ADARB2: variants seen among roughly 807,000 people sequenced by gnomAD.
The protein encoded by ADARB2 is inactive double-stranded RNA-specific editase B2.
In ADARB2, 25 loss-of-function variants were observed where a neutral mutation model predicts 62.2. The observed-to-expected ratio is 0.40, with a 90% CI of 0.29 to 0.56. The LOEUF (loss-of-function observed/expected upper bound fraction) is 0.56. Among genes scored for constraint, ADARB2 ranks in the 20% least tolerant of loss-of-function variants. The pLI is 0.43. For synonymous variants in ADARB2, 572 were observed against 500.8 expected (o/e 1.14, Z -1.90); for missense variants, 1,071 against 1,077.4 (o/e 0.99, Z 0.08).
intron 3 of ADARB2, among the ~76,000 whole-genome samples, chr10:1,330,250 G>A (rs772668362): frequency 6.6e-6 from 1 of 152,044 alleles, no homozygotes; most frequent in Non-Finnish European, 1.5e-5. Flanking sequence ...AGCCTTTCCC[G>A]GCTTAGGCTG....
At chr10:1,553,412 G>A (rs1588299838) in intron 1 of ADARB2, among the ~76,000 whole-genome samples, 1 of 152,150 alleles carries the variant, frequency 6.6e-6, no homozygotes, top group Non-Finnish European at 1.5e-5. Context: ...TCAGCAGCGC[G>A]AGAGGCACCC....
chr10:1,679,343 G>A (rs1564365897), intron 1 of ADARB2, among the ~76,000 whole-genome samples: 1 of 152,084 alleles, frequency 6.6e-6, no homozygotes, highest in African/African-American at 2.4e-5. Flanking sequence ...CCTGTGCCGG[G>A]CACCACAATA....
chr10:1,196,464 A>T (rs1836913838), intron 8 of ADARB2, among the ~76,000 whole-genome samples: 1 of 152,068 alleles, frequency 6.6e-6, no homozygotes, highest in Non-Finnish European at 1.5e-5. Flanking sequence ...TCCTGGAGTT[A>T]ATGATACAAT....
At chr10:1,580,172 C>T (rs941360395) in intron 1 of ADARB2, among the ~76,000 whole-genome samples, 18 of 152,128 alleles carry the variant, frequency 1.2e-4, no homozygotes, top group Admixed American at 4.6e-4. Flanking sequence ...ACAGGTAAAT[C>T]GCGTGTTGCC....
At chr10:1,315,755 T>C (rs1033244178) in intron 3 of ADARB2, among the ~76,000 whole-genome samples, 9 of 152,218 alleles carry the variant, frequency 5.9e-5, no homozygotes, top group African/African-American at 1.9e-4. Flanking sequence ...ATTGCCTTCA[T>C]TTAAGCTTTT....
chr10:1,462,689 GTGTGTGTGCCTGTGTGTATGTGCATGAC>G (rs2131910160), intron 1 of ADARB2, among the ~76,000 whole-genome samples: 1 of 151,932 alleles, frequency 6.6e-6, no homozygotes, highest in Admixed American at 6.6e-5. Flanking sequence ...ATGTGTGCAT[GTGTGTGTGCCTGTGTGTATGTGCATGAC>G]TGTATGTGCA....
chr10:1,506,416 C>G lies in ADARB2; in HGVS notation c.101-127256G>C, dbSNP rs957823893. On this transcript the variant is annotated intron_variant, in intron 1 of 9. Transcript: ENST00000381312. ...AAGCCCACAGGCTGTTCAATTCCCC[C>G]ACTACGGTATTTGCATATTTGAGGC... Among the ~76,000 whole-genome samples the G allele has an allele frequency of 3.9e-5, 6 of 152,204 alleles. No homozygotes were observed. In the East Asian group the frequency reaches 7.7e-4, roughly 20 times the overall value.
chr10:1,457,516 GA>G (rs1333249855), intron 1 of ADARB2, among the ~76,000 whole-genome samples: 2 of 152,150 alleles, frequency 1.3e-5, no homozygotes, highest in Non-Finnish European at 2.9e-5. Flanking sequence ...TATGACTCGG[GA>G]AATAAAATGG....
chr10:1,249,407 T>C (rs1207079975), intron 4 of ADARB2, among the ~76,000 whole-genome samples: 2 of 139,830 alleles, frequency 1.4e-5, no homozygotes, highest in Non-Finnish European at 3.0e-5. Flanking sequence ...GCGCCACTGC[T>C]CTCCAGCCTG....
At position 1,587,742 on chromosome 10, in the gene ADARB2, C is replaced by T. The variant is rs527546289; in HGVS notation, c.100+149309G>A. On this transcript the variant is annotated intron_variant, in intron 1 of 9. Transcript: ENST00000381312. The stretch of plus-strand genomic sequence containing the variant: ...AAATCTCATCTTGAATTGTAGCTCC[C>T]ATAATTCCCACGTGTTGTGGGAGCG... Among the ~76,000 whole-genome samples the T allele has an allele frequency of 2.0e-5, 3 of 152,258 alleles. No homozygotes were observed. The East Asian group carries it at 5.8e-4, about 29-fold the overall frequency.
intron 1 of ADARB2, among the ~76,000 whole-genome samples, chr10:1,571,867 A>ATATGCTG (rs1832941151): frequency 2.2e-5 from 3 of 134,074 alleles, no homozygotes; most frequent in Non-Finnish European, 3.1e-5. Flanking sequence ...TATGCAGGTG[A>ATATGCTG]GTGTGCAGGC....
chr10:1,384,023 A>G (rs996262124), intron 1 of ADARB2, among the ~76,000 whole-genome samples: 5 of 152,250 alleles, frequency 3.3e-5, no homozygotes, highest in Non-Finnish European at 5.9e-5. Flanking sequence ...CAAAAGGAAG[A>G]ATAGTGCAAT....
At chr10:1,548,896 T>C (rs1203366348) in intron 1 of ADARB2, among the ~76,000 whole-genome samples, 1 of 151,924 alleles carries the variant, frequency 6.6e-6, no homozygotes, top group Non-Finnish European at 1.5e-5. Context: ...GGCCAGAGTG[T>C]GAGGGGCCGA....
At position 1,426,515 on chromosome 10, in the gene ADARB2, T is replaced by G. The variant is rs1188514119; in HGVS notation, c.101-47355A>C. 6.6e-6 allele frequency among the ~76,000 whole-genome samples: 1 copy of G among 152,186 alleles called. No homozygotes were observed. The highest frequency in any genetic ancestry group is 1.5e-5 in the Non-Finnish European group (1 of 68,026). On this transcript the variant is annotated intron_variant, in intron 1 of 9. Transcript: ENST00000381312. This position sits in a 1 kb window ranked among gnomAD's most constrained non-coding sequence, Gnocchi z 4.1. The stretch of plus-strand genomic sequence containing the variant: ...TGCAGTTATGACAGAAGGATGGTCC[T>G]GTCTCATCCCTACACCTGTGAGGCC...
At chr10:1,244,092 G>A (rs1020607984) in intron 4 of ADARB2, among the ~76,000 whole-genome samples, 2 of 152,226 alleles carry the variant, frequency 1.3e-5, no homozygotes, top group African/African-American at 2.4e-5. Context: ...GCCCCCTAGC[G>A]GGGGTCCCAG....
intron 3 of ADARB2, among the ~76,000 whole-genome samples, chr10:1,343,824 G>A (rs1294174225): frequency 6.6e-6 from 1 of 152,152 alleles, no homozygotes; most frequent in African/African-American, 2.4e-5. Context: ...GAAACACTGG[G>A]CACCTATGGC....
intron 1 of ADARB2, among the ~76,000 whole-genome samples, chr10:1,499,981 C>A (rs1288669991): frequency 6.6e-6 from 1 of 152,230 alleles, no homozygotes; most frequent in Non-Finnish European, 1.5e-5. Context: ...ATTTTGATAT[C>A]TTTTAACCCT....
chr10:1,569,326 C>A, intron 1 of ADARB2, among the ~76,000 whole-genome samples: 1 of 152,124 alleles, frequency 6.6e-6, no homozygotes, highest in Non-Finnish European at 1.5e-5. Context: ...CCAGCAGCGG[C>A]TGCTTCTTTG....
At chr10:1,317,391 A>G (rs1387785912) in intron 3 of ADARB2, among the ~76,000 whole-genome samples, 2 of 152,242 alleles carry the variant, frequency 1.3e-5, no homozygotes, top group East Asian at 1.9e-4. Context: ...CCTGACAGGC[A>G]TAGTCGATTG....
Sources: allele counts gnomAD v4.1 joint callset (sites outside exome capture counted in the v4.1 genomes callset), GRCh38; gene constraint gnomAD v4.1.1; non-coding constraint Gnocchi (gnomAD v3.1); transcripts MANE v1.5; gene names NCBI Gene and HGNC (gene_info 2026-07-23, HGNC 2026-07-21).